LPP: variants seen among roughly 807,000 people sequenced by gnomAD.
The protein encoded by LPP is lipoma-preferred partner.
Under a neutral mutation model 60.4 loss-of-function variants are expected in LPP, and 38 were observed. That is an observed-to-expected ratio of 0.63 (90% confidence interval 0.49 to 0.83). LPP has a LOEUF of 0.83. Among genes scored for constraint, LPP ranks in the 40% least tolerant of loss-of-function variants. The pLI is 0.00. For missense variants in LPP, 902 were observed against 783.6 expected (o/e 1.15, Z -1.80); for synonymous variants, 328 against 290.8 (o/e 1.13, Z -1.30).
chr3:188,814,045 C>T (rs1055302482), intron 9 of LPP, among the ~76,000 whole-genome samples: 5 of 152,074 alleles, frequency 3.3e-5, no homozygotes, highest in African/African-American at 1.2e-4. Flanking sequence ...GCCCTCCAGC[C>T]TGGGCAACAA....
chr3:188,793,245 C>T (rs1425419895), intron 9 of LPP, among the ~76,000 whole-genome samples: 3 of 150,598 alleles, frequency 2.0e-5, no homozygotes, highest in African/African-American at 4.9e-5. Context: ...TGCAGTGGCA[C>T]GATCTCTGTT....
intron 6 of LPP, among the ~76,000 whole-genome samples, chr3:188,543,627 G>A (rs1825786773): frequency 6.6e-6 from 1 of 152,152 alleles, no homozygotes; most frequent in Non-Finnish European, 1.5e-5. Context: ...TGTCATGGGA[G>A]CCTCTCCATG....
chr3:188,165,040 G>A (rs1456876375), intron 1 of LPP, among the ~76,000 whole-genome samples: 1 of 152,080 alleles, frequency 6.6e-6, no homozygotes, highest in African/African-American at 2.4e-5. Flanking sequence ...GGGAGGCCGA[G>A]GCAGGAGGAT....
At chr3:188,429,690 C>T (rs1235026844) in intron 4 of LPP, among the ~76,000 whole-genome samples, 2 of 152,138 alleles carry the variant, frequency 1.3e-5, no homozygotes, top group African/African-American at 4.8e-5. Context: ...GAGATATGTC[C>T]TTCATTCTGA....
intron 3 of LPP, among the ~76,000 whole-genome samples, chr3:188,368,904 T>A (rs1402403676): frequency 6.6e-6 from 1 of 152,112 alleles, no homozygotes; most frequent in Non-Finnish European, 1.5e-5. Flanking sequence ...AAGGAAGAGG[T>A]GTGTGTGAAA....
chr3:188,371,053 C>G (rs1772908695), intron 3 of LPP, among the ~76,000 whole-genome samples: 1 of 152,166 alleles, frequency 6.6e-6, no homozygotes. Context: ...CCCAAAGAAA[C>G]TGACATAAAT....
At chr3:188,623,943 C>T (rs993906173) in intron 7 of LPP, among the ~76,000 whole-genome samples, 2 of 152,134 alleles carry the variant, frequency 1.3e-5, no homozygotes, top group Non-Finnish European at 2.9e-5. Context: ...TATGAATCAA[C>T]CGGCAAGGCG....
chr3:188,305,272 T>C (rs532567507), intron 2 of LPP, among the ~76,000 whole-genome samples: 2 of 152,358 alleles, frequency 1.3e-5, no homozygotes, highest in East Asian at 3.9e-4. Flanking sequence ...TTCAGTGTTA[T>C]TTTGCAGCCC....
intron 7 of LPP, among the ~76,000 whole-genome samples, chr3:188,663,218 C>T (rs951425942): frequency 1.3e-5 from 2 of 152,138 alleles, no homozygotes; most frequent in Non-Finnish European, 2.9e-5. Flanking sequence ...GCCTGGTGGT[C>T]TTTCCATGTG....
chr3:188,694,491 T>C (rs971701346), intron 7 of LPP, among the ~76,000 whole-genome samples: 4 of 151,440 alleles, frequency 2.6e-5, no homozygotes, highest in African/African-American at 7.3e-5. Flanking sequence ...TCACCTGAGG[T>C]TGGGAGTTGG....
chr3:188,765,861 C>CTTTTTTTTTTTTTTTTTTTTTTT lies in LPP; in HGVS notation c.1410+5583_1410+5605dup, dbSNP rs71169019. Among the ~76,000 whole-genome samples, 8 of 92,618 alleles carry CTTTTTTTTTTTTTTTTTTTTTTT rather than the reference C, an allele frequency of 8.6e-5. 3 individuals are homozygous for CTTTTTTTTTTTTTTTTTTTTTTT. Among genetic ancestry groups the CTTTTTTTTTTTTTTTTTTTTTTT allele is most frequent in the Non-Finnish European group, 1.0e-4 (5 of 49,900 alleles). The allele number at this position is 92,618 out of a possible 152,430, so 60.8% of individuals were successfully genotyped here. Reference sequence around the variant, plus strand: ...GCAACGTGCAACTTAATGTTCAACTCTTTTTTTTTTTTTTTTTTTTTTTTT... The same window carrying CTTTTTTTTTTTTTTTTTTTTTTT: ...GCAACGTGCAACTTAATGTTCAACTCTTTTTTTTTTTTTTTTTTTTTTTTTTTTTTTTTTTTTTTTTTTTTTTT... On this transcript the variant is annotated intron_variant, in intron 9 of 11. Transcript: ENST00000617246.
chr3:188,470,839 C>T (rs1801669193), intron 4 of LPP, among the ~76,000 whole-genome samples: 1 of 152,124 alleles, frequency 6.6e-6, no homozygotes, highest in South Asian at 2.1e-4. Flanking sequence ...AGTCATTATT[C>T]TGAAATATAA....
intron 7 of LPP, among the ~76,000 whole-genome samples, chr3:188,659,620 C>T (rs565016925): frequency 9.8e-5 from 15 of 152,292 alleles, no homozygotes; most frequent in Middle Eastern, 3.4e-3. Context: ...CACTACAGCA[C>T]AGAAGTGCAG....
chr3:188,607,393 AT>A lies in LPP; in HGVS notation c.430-1767del, dbSNP rs1560628486. Among the ~76,000 whole-genome samples the A allele has an allele frequency of 9.7e-3, 289 of 29,800 alleles. 16 individuals carry two copies. Among genetic ancestry groups the A allele is most frequent in the African/African-American group, 0.043 (276 of 6,362 alleles). The allele number at this position is 29,800 out of a possible 152,430, so 19.5% of individuals were successfully genotyped here. A position where few individuals can be genotyped will look rare whatever the true frequency, so the allele number is the denominator to read the frequency against. On this transcript the variant is annotated intron_variant, in intron 6 of 11. Coordinates refer to ENST00000617246, the MANE Select transcript of LPP (RefSeq NM_001375462.1). ...AAGATATATATATATATATATATAT[AT>A]ATATATATATATATATATATATAAT...
At chr3:188,730,180 A>C (rs1238790845) in intron 8 of LPP, among the ~76,000 whole-genome samples, 3 of 152,212 alleles carry the variant, frequency 2.0e-5, no homozygotes, top group Non-Finnish European at 4.4e-5. Context: ...TCCCACCTTC[A>C]AGGAGAAAAT....
chr3:188,600,013 G>A (rs984161421), intron 6 of LPP, among the ~76,000 whole-genome samples: 11 of 151,526 alleles, frequency 7.3e-5, no homozygotes, highest in African/African-American at 1.9e-4. Flanking sequence ...ACATAAAATG[G>A]AGAACAAAAT....
chr3:188,726,388 C>T (rs1718402605), intron 8 of LPP, among the ~76,000 whole-genome samples: 1 of 152,084 alleles, frequency 6.6e-6, no homozygotes, highest in Non-Finnish European at 1.5e-5. Flanking sequence ...AATGGTGATG[C>T]CATCAGTCCA....
At chr3:188,347,729 G>C (rs1326347408) in intron 3 of LPP, among the ~76,000 whole-genome samples, 2 of 152,222 alleles carry the variant, frequency 1.3e-5, no homozygotes, top group African/African-American at 4.8e-5. Context: ...CATGTGTGAA[G>C]CTAAAGCTTA....
At chr3:188,774,631 A>T (rs1341672654) in intron 9 of LPP, among the ~76,000 whole-genome samples, 6 of 152,104 alleles carry the variant, frequency 3.9e-5, no homozygotes, top group Non-Finnish European at 4.4e-5. Context: ...AATAACAGAG[A>T]TTTATTTTCT....
Sources: gnomAD v4.1 joint callset for allele counts (sites outside exome capture counted in the v4.1 genomes callset) on GRCh38, gnomAD v4.1.1 for gene constraint, MANE v1.5 for transcripts, NCBI Gene and HGNC (gene_info 2026-07-23, HGNC 2026-07-21) for gene names.